Variants in TTC3 observed in about 807,000 individuals in gnomAD.
TTC3 encodes the protein tetratricopeptide repeat domain 3.
TTC3 carries 180 observed loss-of-function variants against 249.6 expected under a neutral mutation model. The observed-to-expected ratio is 0.72, with a 90% CI of 0.64 to 0.82. TTC3 has a LOEUF of 0.82. Ranked by LOEUF, TTC3 falls within the 40% of genes least tolerant of loss-of-function variation. TTC3 has a pLI of 0.00. For synonymous variants in TTC3, 717 were observed against 805.0 expected, an observed-to-expected ratio of 0.89 and a Z score of 1.85; for missense variants, 2,061 against 2,398.4, an observed-to-expected ratio of 0.86 and a Z score of 2.94.
intron 1 of TTC3, chr21:37,081,790 T>C (rs2071701121): frequency 1.3e-5 from 2 of 152,096 alleles, no homozygotes; most frequent in African/African-American, 4.8e-5. Flanking sequence ...ACCAATTTTC[T>C]CTTCAACTGT....
At chr21:37,088,660 ATAGCT>A (rs1419911704) in intron 4 of TTC3, 134 bp from the exon 5 acceptor site, 1 of 774,938 alleles carries the variant, frequency 1.3e-6, no homozygotes, top group East Asian at 2.7e-5. Context: ...CATTTAATAA[ATAGCT>A]TAGTTATTGT....
At position 37,142,322 on chromosome 21, in the gene TTC3, C is replaced by A. The variant is rs552806209; in HGVS notation, c.1772+1649C>A. 2.0e-5 allele frequency among the ~76,000 whole-genome samples: 3 copies of A among 152,304 alleles called. No individual in the cohort carries two copies. The South Asian group carries it at 6.2e-4, about 32-fold the overall frequency. ...GAGGAAGTCAAATTGTCCCTGTTTG[C>A]AGATGACATGATTGTATATCTAGAA... On this transcript the variant is annotated intron_variant, in intron 20 of 45. Transcript: ENST00000355666.
chr21:37,136,807 A>G (rs1392287557), intron 18 of TTC3, among the ~76,000 whole-genome samples: 2 of 152,200 alleles, frequency 1.3e-5, no homozygotes, highest in Non-Finnish European at 2.9e-5. Context: ...GGACTTTCAT[A>G]GCTAGAGAGA....
Position 37,151,885 on chromosome 21 carries a change from T to C in TTC3, c.2277-8T>C, listed in dbSNP as rs1232460785. 2.6e-6 allele frequency: 4 copies of C among 1,567,326 alleles called. No homozygotes were observed. Among genetic ancestry groups the C allele is most frequent in the Non-Finnish European group, 3.4e-6 (4 of 1,165,168 alleles). On this transcript the variant is annotated splice_polypyrimidine_tract_variant and splice_region_variant and intron_variant, in intron 25 of 45. Transcript: ENST00000355666. ...ATTGAGTTGTCACTAATTGTAAATG[T>C]TTATCAGCCTAGAGAAACTAAGACT...
intron 20 of TTC3, among the ~76,000 whole-genome samples, chr21:37,144,216 C>T (rs2078772098): frequency 1.3e-5 from 2 of 151,646 alleles, no homozygotes; most frequent in Admixed American, 6.6e-5. Flanking sequence ...ACGTTGTGCA[C>T]ATGTACCCTA....
chr21:37,181,603 T>C (rs1340319370), intron 35 of TTC3, among the ~76,000 whole-genome samples: 2 of 152,218 alleles, frequency 1.3e-5, no homozygotes, highest in African/African-American at 4.8e-5. Flanking sequence ...TGAGCTGTTG[T>C]TCAATTTTTG....
At chr21:37,198,153 CAATGTACTTG>C in intron 44 of TTC3, 128 bp downstream of exon 44, 1 of 1,184,844 alleles carries the variant, frequency 8.4e-7, no homozygotes. Context: ...AACTGAATTT[CAATGTACTTG>C]AATGTGTCCA....
intron 44 of TTC3, 65 bp from the exon 45 acceptor site, chr21:37,200,167 A>C (rs1040605160): frequency 1.2e-5 from 18 of 1,487,612 alleles, no homozygotes; most frequent in Non-Finnish European, 1.7e-5. Flanking sequence ...CACTTGAAGG[A>C]AGAACTCGTG....
chr21:37,081,685 C>T (rs952946481), intron 1 of TTC3: 2 of 151,984 alleles, frequency 1.3e-5, no homozygotes, highest in African/African-American at 4.8e-5. Flanking sequence ...GTTTCCAGAT[C>T]ACTTATTCTT....
intron 16 of TTC3, among the ~76,000 whole-genome samples, chr21:37,131,612 C>A (rs1213806311): frequency 1.3e-5 from 2 of 152,020 alleles, no homozygotes; most frequent in Admixed American, 6.6e-5. Context: ...CTCATGGGAA[C>A]CCTCTTGTAG....
chr21:37,176,313 A>G (rs530050926), intron 35 of TTC3, among the ~76,000 whole-genome samples: 2 of 152,316 alleles, frequency 1.3e-5, no homozygotes, highest in South Asian at 4.1e-4. Context: ...CCACTGTCTA[A>G]TTCCAGAAAA....
chr21:37,075,572 G>A (rs1169732404), intron 1 of TTC3, among the ~76,000 whole-genome samples: 4 of 152,186 alleles, frequency 2.6e-5, no homozygotes, highest in South Asian at 4.1e-4. Flanking sequence ...AACACTTTAT[G>A]TTATGAGACT....
intron 35 of TTC3, among the ~76,000 whole-genome samples, chr21:37,179,509 C>CT (rs2082561873): frequency 6.6e-6 from 1 of 152,060 alleles, no homozygotes; most frequent in Admixed American, 6.6e-5. Context: ...TTACTTGTGC[C>CT]TTTGGTGTCA....
chr21:37,124,112 C>CTT lies in TTC3; in HGVS notation c.1110-485_1110-484dup, dbSNP rs60916518. Among the ~76,000 whole-genome samples the CTT allele has an allele frequency of 5.1e-3, 314 of 61,248 alleles. 79 individuals are homozygous for CTT. Among genetic ancestry groups the CTT allele is most frequent in the East Asian group, 0.025 (58 of 2,320 alleles). The allele number at this position is 61,248 out of a possible 152,430, so 40.2% of individuals were successfully genotyped here. On this transcript the variant is annotated intron_variant, in intron 13 of 45. Transcript: ENST00000355666. ...GCAGAATACTTCTTTTTGAACTGTT[C>CTT]TTTTTTTTTTTTTTTTTTTTTTTGA... is the stretch of plus-strand genomic sequence containing the variant.
chr21:37,077,717 T>G (rs2071094304), intron 1 of TTC3, among the ~76,000 whole-genome samples: 1 of 152,196 alleles, frequency 6.6e-6, no homozygotes, highest in Non-Finnish European at 1.5e-5. Flanking sequence ...GTTTATGAAC[T>G]GTCTTTGTTT....
At chr21:37,108,348 C>T in intron 10 of TTC3, 44 bp from the exon 11 acceptor site, 1 of 1,534,012 alleles carries the variant, frequency 6.5e-7, no homozygotes, top group Non-Finnish European at 8.9e-7. Context: ...AATACTTTTA[C>T]TATAAAAGAG....
rs746059877 is a variant in TTC3 at position 37,150,816 on chromosome 21, A to G, written c.2212-4A>G. The G allele has an allele frequency of 6.6e-5, 106 of 1,608,748 alleles. 2 individuals carry two copies. In the South Asian group the frequency reaches 7.6e-4, roughly 12 times the overall value. ...AATTTTGGATGTCTTTGTTTTATTTAAAGTTTGAACACAAGGTCATAAAAG... is the reference window on the plus strand; with the variant it reads ...AATTTTGGATGTCTTTGTTTTATTTGAAGTTTGAACACAAGGTCATAAAAG... On this transcript the variant is annotated splice_polypyrimidine_tract_variant and splice_region_variant and intron_variant, in intron 24 of 45. Coordinates refer to ENST00000355666, the Ensembl canonical transcript of TTC3.
rs73204039 is a variant in TTC3 at position 37,160,330 on chromosome 21, A to G, written c.3040-472A>G. Among the ~76,000 whole-genome samples, 707 of 152,324 alleles carry G rather than the reference A, an allele frequency of 4.6e-3. 6 individuals carry two copies. The highest frequency in any genetic ancestry group is 8.6e-3 in the Admixed American group (132 of 15,296). On this transcript the variant is annotated intron_variant, in intron 29 of 45. Transcript: ENST00000355666. ...ATCTATCTATATGAAATTTTGTCTT[A>G]ATCTGCTCCATCAAATATTGCCCAG...
intron 5 of TTC3, among the ~76,000 whole-genome samples, chr21:37,089,606 C>T (rs1350416674): frequency 4.6e-5 from 7 of 152,110 alleles, no homozygotes; most frequent in East Asian, 1.9e-4. Context: ...CTTCGCCTCC[C>T]GGATTCAAGC....
Sources: gnomAD v4.1 joint callset for allele counts (sites outside exome capture counted in the v4.1 genomes callset) on GRCh38, gnomAD v4.1.1 for gene constraint, MANE v1.5 for transcripts, NCBI Gene and HGNC (gene_info 2026-07-23, HGNC 2026-07-21) for gene names.